ATAD2B: variants seen among roughly 807,000 people sequenced by gnomAD.
The protein encoded by ATAD2B is ATPase family AAA domain containing 2B.
Under a neutral mutation model 167.6 loss-of-function variants are expected in ATAD2B, and 40 were observed. The observed-to-expected ratio is 0.24, with a 90% CI of 0.19 to 0.31. The LOEUF is 0.31. Ranked by LOEUF, ATAD2B falls within the 10% of genes least tolerant of loss-of-function variation. The pLI, the probability that ATAD2B is intolerant of heterozygous loss-of-function variation, is 1.00. For synonymous variants in ATAD2B, 579 were observed against 596.5 expected, an observed-to-expected ratio of 0.97 and a Z score of 0.43; for missense variants, 1,242 against 1,757.2, an observed-to-expected ratio of 0.71 and a Z score of 5.24.
chr2:23,779,169 CTTTTCTTTTTTTTTTTTTTTTTTT>C (rs950088835), intron 22 of ATAD2B, among the ~76,000 whole-genome samples: 1 of 132,334 alleles, frequency 7.6e-6, no homozygotes, highest in Non-Finnish European at 1.6e-5. Context: ...TTTTTTTTTT[CTTTTCTTTTTTTTTTTTTTTTTTT>C]GAGACAGAGT....
chr2:23,859,982 G>A lies in ATAD2B; in HGVS notation c.1480-2479C>T, dbSNP rs74914044. ...AAAAAAGAAATTTAATTGTCATTGT[G>A]ACAGGTATTGGGAGGTAGGACCTTT... is the stretch of plus-strand genomic sequence containing the variant. On this transcript the variant is annotated intron_variant, in intron 12 of 27. Transcript: ENST00000238789. Among the ~76,000 whole-genome samples, 24 of 152,138 alleles carry A rather than the reference G, an allele frequency of 1.6e-4. No homozygotes were observed. In the East Asian group the frequency reaches 4.4e-3, roughly 28 times the overall value.
intron 1 of ATAD2B, among the ~76,000 whole-genome samples, chr2:23,911,107 G>C (rs1376821069): frequency 6.6e-6 from 1 of 151,458 alleles, no homozygotes; most frequent in Non-Finnish European, 1.5e-5. Flanking sequence ...TGTAATGCCA[G>C]CTACTCGGGA....
At chr2:23,919,264 T>C (rs1703541023) in intron 1 of ATAD2B, among the ~76,000 whole-genome samples, 1 of 151,878 alleles carries the variant, frequency 6.6e-6, no homozygotes, top group African/African-American at 2.4e-5. Context: ...ACTCAAAAAG[T>C]ATTAACTGGC....
the ATAD2B span, among the ~76,000 whole-genome samples, chr2:23,742,232 C>A: frequency 1.3e-5 from 2 of 152,192 alleles, no homozygotes; most frequent in Non-Finnish European, 2.9e-5. Flanking sequence ...ATAAATCATG[C>A]TGCTATAAAG....
the ATAD2B span, among the ~76,000 whole-genome samples, chr2:23,699,252 A>C: frequency 1.0e-3 from 157 of 152,276 alleles, no homozygotes; most frequent in African/African-American, 3.6e-3. Context: ...TCACAGAAAG[A>C]AAGCAGGCCC....
intron 18 of ATAD2B, among the ~76,000 whole-genome samples, chr2:23,807,100 T>G (rs1684510749): frequency 6.6e-6 from 1 of 152,192 alleles, no homozygotes; most frequent in Non-Finnish European, 1.5e-5. Context: ...ATCCCCAGAC[T>G]TTCTTGTTCC....
chr2:23,808,208 T>A (rs528605977), intron 18 of ATAD2B, among the ~76,000 whole-genome samples: 2,635 of 133,430 alleles, frequency 0.02, 30 homozygotes, highest in Non-Finnish European at 0.032. Context: ...TATATAAAAA[T>A]ATATATATAT....
At chr2:23,921,089 C>A (rs11899617) in intron 1 of ATAD2B, among the ~76,000 whole-genome samples, 3,874 of 151,218 alleles carry the variant, frequency 0.026, 164 homozygotes, top group African/African-American at 0.089. Flanking sequence ...GCCTGTAATG[C>A]CAGCTACTTG....
At chr2:23,918,244 T>C (rs1433660723) in intron 1 of ATAD2B, among the ~76,000 whole-genome samples, 1 of 147,080 alleles carries the variant, frequency 6.8e-6, no homozygotes, top group Non-Finnish European at 1.5e-5. Context: ...TGGTAACACA[T>C]GTCTGTAGTC....
At chr2:23,706,322 ATG>A in the ATAD2B span, among the ~76,000 whole-genome samples, 6 of 152,246 alleles carry the variant, frequency 3.9e-5, no homozygotes, top group African/African-American at 1.4e-4. Flanking sequence ...TGTTTTTCTT[ATG>A]CCAGCCCAGG....
At chr2:23,737,928 A>G in the ATAD2B span, among the ~76,000 whole-genome samples, 1 of 152,174 alleles carries the variant, frequency 6.6e-6, no homozygotes, top group African/African-American at 2.4e-5. Flanking sequence ...CCGATGCGAT[A>G]AACTGGAAGA....
the ATAD2B span, among the ~76,000 whole-genome samples, chr2:23,733,239 T>C: frequency 4.6e-5 from 7 of 152,180 alleles, no homozygotes; most frequent in East Asian, 1.9e-4. Context: ...GATCACCCAA[T>C]TGCCACATCT....
intron 10 of ATAD2B, 54 bp downstream of exon 10, chr2:23,867,781 G>GA (rs1558690183): frequency 7.7e-7 from 1 of 1,305,378 alleles, no homozygotes. Context: ...TTAGAAACAA[G>GA]AAAAAAACTT....
chr2:23,841,121 T>G (rs1690832184), intron 13 of ATAD2B, among the ~76,000 whole-genome samples: 1 of 143,552 alleles, frequency 7.0e-6, no homozygotes, highest in Non-Finnish European at 1.5e-5. Context: ...TTTTTTTTTG[T>G]ACAGATGGGT....
chr2:23,873,501 T>G (rs578226709), intron 8 of ATAD2B, among the ~76,000 whole-genome samples: 1 of 152,328 alleles, frequency 6.6e-6, no homozygotes, highest in African/African-American at 2.4e-5. Context: ...CCCACACACT[T>G]TTTTTGAAAA....
At chr2:23,827,340 AATGAG>A (rs1194657092) in intron 15 of ATAD2B, among the ~76,000 whole-genome samples, 2 of 152,220 alleles carry the variant, frequency 1.3e-5, no homozygotes, top group Admixed American at 1.3e-4. Flanking sequence ...CACTGGGAAA[AATGAG>A]AAGTATTGTC....
chr2:23,812,020 T>C (rs1483861226), intron 17 of ATAD2B, among the ~76,000 whole-genome samples: 1 of 151,948 alleles, frequency 6.6e-6, no homozygotes, highest in Non-Finnish European at 1.5e-5. Flanking sequence ...ACAGCACCAT[T>C]AAAATAACAA....
At chr2:23,876,009 T>G (rs2150150834) in intron 7 of ATAD2B, 105 bp from the exon 8 acceptor site, 6 of 874,502 alleles carry the variant, frequency 6.9e-6, no homozygotes, top group South Asian at 6.3e-5. Context: ...TGTTGTTGTT[T>G]TTTGAGACAG....
intron 1 of ATAD2B, among the ~76,000 whole-genome samples, chr2:23,904,244 A>G (rs1216297140): frequency 6.6e-6 from 1 of 152,208 alleles, no homozygotes; most frequent in Non-Finnish European, 1.5e-5. Flanking sequence ...GATAAGCACA[A>G]GAGATGTCAT....
Sources: allele counts gnomAD v4.1 joint callset (sites outside exome capture counted in the v4.1 genomes callset), GRCh38; gene constraint gnomAD v4.1.1; transcripts MANE v1.5; gene names NCBI Gene and HGNC (gene_info 2026-07-23, HGNC 2026-07-21).